The following IL1R2 variants were observed in gnomAD, a reference collection of about 807,000 sequenced individuals.
The protein encoded by IL1R2 is interleukin 1 receptor type 2, also known as interleukin-1 receptor type 2.
Under a neutral mutation model 39.5 loss-of-function variants are expected in IL1R2, and 46 were observed. The observed-to-expected ratio is 1.16, with a 90% CI of 0.92 to 1.49. IL1R2 has a LOEUF of 1.49. Among genes scored for constraint, IL1R2 ranks in the 40% most tolerant of loss-of-function variants. IL1R2 has a pLI of 0.00. For missense variants in IL1R2, 537 were observed against 502.0 expected (o/e 1.07, Z -0.67); for synonymous variants, 207 against 189.6 (o/e 1.09, Z -0.75).
intron 1 of IL1R2, among the ~76,000 whole-genome samples, chr2:102,000,161 C>T (rs1226087922): frequency 6.6e-6 from 1 of 152,210 alleles, no homozygotes; most frequent in Non-Finnish European, 1.5e-5. Flanking sequence ...TCCCTGAGTA[C>T]CGGGCTCTGC....
intron 2 of IL1R2, 119 bp from the exon 3 acceptor site, chr2:102,009,443 T>C: frequency 8.8e-7 from 1 of 1,140,700 alleles, no homozygotes; most frequent in Non-Finnish European, 1.2e-6. Context: ...AATGACATCT[T>C]TCTCAAATGT....
intron 5 of IL1R2, 196 bp from the exon 6 acceptor site, chr2:102,021,991 T>G: frequency 6.9e-6 from 4 of 577,202 alleles, no homozygotes; most frequent in Non-Finnish European, 1.3e-5. Flanking sequence ...CAGTAATTGC[T>G]CTGCTGGGAA....
At chr2:102,018,716 C>T (rs927414794) in intron 4 of IL1R2, among the ~76,000 whole-genome samples, 11 of 152,184 alleles carry the variant, frequency 7.2e-5, no homozygotes, top group Non-Finnish European at 1.5e-4. Context: ...CCCAAGATCA[C>T]ACAGCCAGTA....
At chr2:102,016,326 G>T in intron 4 of IL1R2, 1 of 261,040 alleles carries the variant, frequency 3.8e-6, no homozygotes, top group East Asian at 7.2e-5. Flanking sequence ...GTCACATGCT[G>T]CATGACAAAG....
At chr2:101,996,239 C>T (rs550568592) in intron 1 of IL1R2, among the ~76,000 whole-genome samples, 9 of 152,220 alleles carry the variant, frequency 5.9e-5, no homozygotes, top group African/African-American at 1.4e-4. Flanking sequence ...GAGCTGCTCC[C>T]GCCACCAAGG....
chr2:102,020,983 C>G (rs909249094), intron 5 of IL1R2, among the ~76,000 whole-genome samples: 2 of 152,174 alleles, frequency 1.3e-5, no homozygotes, highest in African/African-American at 4.8e-5. Flanking sequence ...CTCACAAGCC[C>G]CCGGGTGATG....
intron 1 of IL1R2, among the ~76,000 whole-genome samples, chr2:101,995,785 G>A (rs766429691): frequency 5.6e-4 from 85 of 152,198 alleles, no homozygotes; most frequent in Non-Finnish European, 1.1e-3. Flanking sequence ...AGAGCCACTC[G>A]GGGACCCAGG....
intron 1 of IL1R2, among the ~76,000 whole-genome samples, chr2:101,999,744 T>C (rs1375409216): frequency 3.3e-5 from 5 of 152,206 alleles, no homozygotes; most frequent in African/African-American, 1.2e-4. Flanking sequence ...AGGAACCCAG[T>C]TCCAACCTCC....
chr2:102,019,146 G>A (rs912643603), intron 4 of IL1R2, among the ~76,000 whole-genome samples: 26 of 152,044 alleles, frequency 1.7e-4, no homozygotes, highest in African/African-American at 4.4e-4. Context: ...GTGTGGACTC[G>A]TTTCCCCTAT....
chr2:102,011,712 A>T (rs963083906), intron 3 of IL1R2, among the ~76,000 whole-genome samples: 8 of 152,202 alleles, frequency 5.3e-5, no homozygotes, highest in African/African-American at 1.9e-4. Context: ...TTGCATATTC[A>T]TTCTGTTCAT....
intron 1 of IL1R2, among the ~76,000 whole-genome samples, chr2:101,994,297 C>T (rs1675482098): frequency 6.6e-6 from 1 of 152,072 alleles, no homozygotes; most frequent in Admixed American, 6.5e-5. Flanking sequence ...GCTGAGGGAT[C>T]CAGAACATCC....
chr2:102,020,413 T>C (rs1186803313), intron 5 of IL1R2, among the ~76,000 whole-genome samples: 1 of 152,228 alleles, frequency 6.6e-6, no homozygotes, highest in East Asian at 1.9e-4. Context: ...GTACCAACTG[T>C]GTGCCGGACA....
intron 1 of IL1R2, among the ~76,000 whole-genome samples, chr2:102,004,853 T>C (rs1006379498): frequency 4.6e-5 from 7 of 152,218 alleles, no homozygotes; most frequent in Non-Finnish European, 7.3e-5. Flanking sequence ...GCAGCTCTTT[T>C]GCTCAAGTCC....
At chr2:102,008,882 G>T (rs1184827615) in intron 2 of IL1R2, among the ~76,000 whole-genome samples, 1 of 144,324 alleles carries the variant, frequency 6.9e-6, no homozygotes, top group Non-Finnish European at 1.5e-5. Flanking sequence ...AAAAAAAGTA[G>T]TTGGGCGTGG....
chr2:102,005,473 G>A (rs1676203294), intron 1 of IL1R2, among the ~76,000 whole-genome samples: 1 of 152,168 alleles, frequency 6.6e-6, no homozygotes, highest in Non-Finnish European at 1.5e-5. Context: ...AGAAAGCCTG[G>A]ACACATAAAA....
rs1288716602 is a variant in IL1R2, at chr2:102,010,895, CTCT to C, written c.332+1075_332+1077del. On this transcript the variant is annotated intron_variant, in intron 3 of 8. Coordinates refer to ENST00000332549, the MANE Select transcript of IL1R2 (RefSeq NM_004633.4). ...GAACCCATTAAACAATAACTCCCCT[CTCT>C]TCTTCCCTCCAGCCTCAGGCAACCA... 3.9e-5 allele frequency among the ~76,000 whole-genome samples: 6 copies of C among 152,322 alleles called. No individual in the cohort carries two copies. The East Asian group carries it at 1.2e-3, about 29-fold the overall frequency.
chr2:102,010,313 T>G (rs1194160194), intron 3 of IL1R2: 1 of 154,938 alleles, frequency 6.5e-6, no homozygotes, highest in Non-Finnish European at 1.4e-5. Context: ...ACCTTAGGAT[T>G]AAATTAGTCC....
chr2:102,002,106 A>G (rs1675892271), intron 1 of IL1R2: 1 of 152,246 alleles, frequency 6.6e-6, no homozygotes, highest in South Asian at 2.1e-4. Flanking sequence ...ATCAAAAAAA[A>G]TTGTTACTCC....
intron 2 of IL1R2, 146 bp downstream of exon 2, chr2:102,008,788 T>C (rs1676429733): frequency 1.5e-6 from 1 of 662,680 alleles, no homozygotes; most frequent in East Asian, 2.7e-5. Context: ...TTGAGAGCCC[T>C]AGGCGGGTGG....
Sources: gnomAD v4.1 joint callset for allele counts (sites outside exome capture counted in the v4.1 genomes callset) on GRCh38, gnomAD v4.1.1 for gene constraint, MANE v1.5 for transcripts, NCBI Gene and HGNC (gene_info 2026-07-23, HGNC 2026-07-21) for gene names.